Variants in GRIN2A observed in about 807,000 individuals in gnomAD.
The protein encoded by GRIN2A is glutamate receptor ionotropic, NMDA 2A.
In GRIN2A, 22 loss-of-function variants were observed where a neutral mutation model predicts 113.4. The observed-to-expected ratio is 0.19, with a 90% CI of 0.14 to 0.28. The LOEUF (loss-of-function observed/expected upper bound fraction) is 0.28, where lower values mean the gene tolerates loss of function less well. GRIN2A is among the 10% of genes least tolerant of loss of function. GRIN2A has a pLI of 1.00. For synonymous variants in GRIN2A, 827 were observed against 738.4 expected (o/e 1.12, Z -1.94); for missense variants, 1,502 against 1,887.0 (o/e 0.80, Z 3.78).
chr16:10,032,300 A>G (rs146282119), intron 2 of GRIN2A, among the ~76,000 whole-genome samples: 90 of 152,354 alleles, frequency 5.9e-4, no homozygotes, highest in Non-Finnish European at 1.1e-3. Flanking sequence ...TCAATGACAT[A>G]AAATGGATGA....
At chr16:10,034,282 C>T (rs1402533820) in intron 2 of GRIN2A, among the ~76,000 whole-genome samples, 1 of 151,838 alleles carries the variant, frequency 6.6e-6, no homozygotes, top group Admixed American at 6.6e-5. Context: ...CCTAGCACTT[C>T]GGGAGGCTGA....
At chr16:10,174,596 A>G (rs139089213) in intron 2 of GRIN2A, among the ~76,000 whole-genome samples, 1,997 of 152,306 alleles carry the variant, frequency 0.013, 22 homozygotes, top group Middle Eastern at 0.071. Context: ...GCACAAAGTG[A>G]GAAGAGTTTT....
rs78841060 is a variant in GRIN2A, at chr16:10,027,376, C to G, written c.415-88825G>C. On this transcript the variant is annotated intron_variant, in intron 2 of 12. Coordinates refer to ENST00000330684, the MANE Select transcript of GRIN2A (RefSeq NM_001134407.3). The stretch of plus-strand genomic sequence containing the variant: ...CGTTAGAATATAGTGAATGTCCCCC[C>G]CTGCCAGTGCTCCAAGGAACGTTCA... 2.6e-3 allele frequency among the ~76,000 whole-genome samples: 400 copies of G among 152,272 alleles called. 10 individuals are homozygous for G. The East Asian group carries it at 0.069, about 26-fold the overall frequency.
In GRIN2A at chr16:9,761,753, A is replaced by G. The variant is rs1313661540; in HGVS notation, c.*1396T>C. On this transcript the variant is annotated 3_prime_UTR_variant, in exon 13 of 13. Transcript: ENST00000330684. Reference sequence around the variant, plus strand: ...GGATATCATTTCATGTCATATATGCACAGGTTTGAGGAGAATAAGAATGGG... The same window carrying G: ...GGATATCATTTCATGTCATATATGCGCAGGTTTGAGGAGAATAAGAATGGG... The G allele has an allele frequency of 4.7e-6, 1 of 214,808 alleles. No homozygotes were observed. The highest frequency in any genetic ancestry group is 9.4e-6 in the Non-Finnish European group (1 of 106,604). The allele number at this position is 214,808 out of a possible 1,614,324, so 13.3% of individuals were successfully genotyped here.
At chr16:9,990,544 C>A (rs768415788) in intron 2 of GRIN2A, among the ~76,000 whole-genome samples, 1 of 113,892 alleles carries the variant, frequency 8.8e-6, no homozygotes, top group East Asian at 2.7e-4. Context: ...TCTCTCTCTA[C>A]ACGCGCGCGC....
intron 11 of GRIN2A, among the ~76,000 whole-genome samples, chr16:9,772,149 C>G (rs1596386637): frequency 6.6e-6 from 1 of 152,250 alleles, no homozygotes; most frequent in South Asian, 2.1e-4. Context: ...GATTCAATTC[C>G]TTTTCTTCCA....
At chr16:9,863,130 C>A (rs190884150) in intron 4 of GRIN2A, among the ~76,000 whole-genome samples, 2 of 152,304 alleles carry the variant, frequency 1.3e-5, no homozygotes, top group Admixed American at 1.3e-4. Context: ...GTTACCACTG[C>A]CTGATATTTC....
At chr16:9,821,978 A>G (rs182716977) in intron 10 of GRIN2A, among the ~76,000 whole-genome samples, 10 of 152,332 alleles carry the variant, frequency 6.6e-5, no homozygotes, top group Non-Finnish European at 1.0e-4. Context: ...TCTATTTGTT[A>G]AAATATCCTA....
intron 2 of GRIN2A, among the ~76,000 whole-genome samples, chr16:10,152,928 G>GT (rs1181547697): frequency 6.6e-6 from 1 of 152,174 alleles, no homozygotes; most frequent in Non-Finnish European, 1.5e-5. Context: ...TTGCCAGGAG[G>GT]TAGGGGCTTA....
intron 3 of GRIN2A, among the ~76,000 whole-genome samples, chr16:9,918,359 A>G (rs1444304270): frequency 1.3e-5 from 2 of 152,242 alleles, no homozygotes; most frequent in African/African-American, 2.4e-5. Flanking sequence ...ACAGACATAC[A>G]TACCTATGAT....
chr16:10,180,545 G>A lies in GRIN2A; in HGVS notation c.-18-116C>T, dbSNP rs1447704037. 14 of 1,503,686 alleles carry A rather than the reference G, an allele frequency of 9.3e-6. No homozygotes were observed. The highest frequency in any genetic ancestry group is 1.2e-5 in the Non-Finnish European group (14 of 1,131,406). The allele number at this position is 1,503,686 out of a possible 1,614,324, so 93.1% of individuals were successfully genotyped here. ...GGCATGGAACTCAGCAGCAGGATAG[G>A]CTGCTGGGATCACGGACTCCATTCC... is the stretch of plus-strand genomic sequence containing the variant. On this transcript the variant is annotated intron_variant, in intron 1 of 12. Transcript: ENST00000330684. This position sits in a 1 kb window ranked among gnomAD's most constrained non-coding sequence, Gnocchi z 7.0.
At chr16:9,804,418 C>T (rs1224856557) in intron 10 of GRIN2A, among the ~76,000 whole-genome samples, 2 of 152,004 alleles carry the variant, frequency 1.3e-5, no homozygotes, top group Non-Finnish European at 2.9e-5. Context: ...AACCCATTTA[C>T]TCTTCTCTGC....
chr16:10,135,617 CAT>C (rs1359046592), intron 2 of GRIN2A, among the ~76,000 whole-genome samples: 5 of 152,236 alleles, frequency 3.3e-5, no homozygotes, highest in Admixed American at 3.3e-4. Flanking sequence ...GAGCGGGAGA[CAT>C]ATATTAAGAA....
chr16:10,055,047 CAAAAAAAAAAAAAAAAAAAA>C (rs71133304), intron 2 of GRIN2A, among the ~76,000 whole-genome samples: 4 of 10,400 alleles, frequency 3.8e-4, no homozygotes, highest in Non-Finnish European at 4.5e-4. Flanking sequence ...GACTCTATCT[CAAAAAAAAAAAAAAAAAAAA>C]AAAAAAAAAA....
At chr16:9,844,680 C>T (rs577022759) in intron 5 of GRIN2A, among the ~76,000 whole-genome samples, 1 of 152,292 alleles carries the variant, frequency 6.6e-6, no homozygotes, top group South Asian at 2.1e-4. Context: ...AGAGCTGTGT[C>T]CAGGTCCTGG....
At chr16:9,785,733 C>T (rs924642617) in intron 11 of GRIN2A, among the ~76,000 whole-genome samples, 24 of 152,008 alleles carry the variant, frequency 1.6e-4, no homozygotes, top group Admixed American at 4.6e-4. Context: ...ATAAAAAAAA[C>T]CCTTAATGTG....
chr16:10,117,438 G>A (rs1435635060), intron 2 of GRIN2A, among the ~76,000 whole-genome samples: 1 of 152,142 alleles, frequency 6.6e-6, no homozygotes, highest in Non-Finnish European at 1.5e-5. Flanking sequence ...GAAGCTGGAT[G>A]GTGAGTATAG....
At chr16:9,997,794 AGATCTGAT>A (rs1398880382) in intron 2 of GRIN2A, among the ~76,000 whole-genome samples, 9 of 152,186 alleles carry the variant, frequency 5.9e-5, no homozygotes, top group African/African-American at 1.9e-4. Flanking sequence ...AAGTCTCACA[AGATCTGAT>A]GGTTTTATAA....
chr16:9,860,577 C>T (rs1486685636), intron 4 of GRIN2A, among the ~76,000 whole-genome samples: 2 of 151,364 alleles, frequency 1.3e-5, no homozygotes, highest in East Asian at 3.9e-4. Flanking sequence ...GAAGACCTTA[C>T]TGAAATCAAT....
Sources: allele counts gnomAD v4.1 joint callset (sites outside exome capture counted in the v4.1 genomes callset), GRCh38; gene constraint gnomAD v4.1.1; non-coding constraint Gnocchi (gnomAD v3.1); transcripts MANE v1.5; gene names NCBI Gene and HGNC (gene_info 2026-07-23, HGNC 2026-07-21).